ROR1: variants seen among roughly 807,000 people sequenced by gnomAD.
ROR1 encodes ROR family WNT receptor 1.
A neutral mutation model predicts 78.8 loss-of-function variants in ROR1; 19 were observed. The observed-to-expected ratio is 0.24, with a 90% CI of 0.17 to 0.35. The LOEUF is 0.35. Among genes scored for constraint, ROR1 ranks in the 10% least tolerant of loss-of-function variants. ROR1 has a pLI of 1.00. For missense variants in ROR1, 917 were observed against 1,177.8 expected, an observed-to-expected ratio of 0.78 and a Z score of 3.24; for synonymous variants, 386 against 433.6, an observed-to-expected ratio of 0.89 and a Z score of 1.36.
chr1:63,905,118 T>C (rs1462798712), intron 1 of ROR1, among the ~76,000 whole-genome samples: 2 of 152,032 alleles, frequency 1.3e-5, no homozygotes, highest in Non-Finnish European at 2.9e-5. Context: ...TTTGTCTTAG[T>C]GCAGAGAACA....
chr1:63,873,934 A>T (rs938009600), intron 1 of ROR1, among the ~76,000 whole-genome samples: 2 of 152,140 alleles, frequency 1.3e-5, no homozygotes, highest in African/African-American at 4.8e-5. Context: ...CAGAAATTGT[A>T]AAATGTTTTG....
chr1:63,966,698 A>G (rs1221668707), intron 1 of ROR1, among the ~76,000 whole-genome samples: 1 of 152,008 alleles, frequency 6.6e-6, no homozygotes, highest in South Asian at 2.1e-4. Flanking sequence ...TCTTTTTGTA[A>G]TTACTTTTTC....
intron 4 of ROR1, among the ~76,000 whole-genome samples, chr1:64,064,131 A>G (rs1646938380): frequency 6.6e-6 from 1 of 152,252 alleles, no homozygotes; most frequent in South Asian, 2.1e-4. Context: ...TACACAGGTG[A>G]TGAAGTTTGC....
At chr1:63,810,071 T>C (rs1644851178) in intron 1 of ROR1, among the ~76,000 whole-genome samples, 3 of 152,140 alleles carry the variant, frequency 2.0e-5, no homozygotes, top group African/African-American at 7.2e-5. Context: ...GGTGTTTGTG[T>C]AGGGGAAGGA....
chr1:63,813,612 T>C (rs1348680577), intron 1 of ROR1, among the ~76,000 whole-genome samples: 1 of 152,226 alleles, frequency 6.6e-6, no homozygotes, highest in African/African-American at 2.4e-5. Context: ...GGAATTATGC[T>C]GTGGCCCCCA....
chr1:63,988,978 T>TTG (rs1195246527), intron 1 of ROR1, among the ~76,000 whole-genome samples: 1 of 152,144 alleles, frequency 6.6e-6, no homozygotes, highest in East Asian at 1.9e-4. Context: ...TTCAATTCTT[T>TTG]TGTGTATATA....
At chr1:64,107,582 C>A (rs1647875277) in intron 4 of ROR1, among the ~76,000 whole-genome samples, 1 of 151,170 alleles carries the variant, frequency 6.6e-6, no homozygotes, top group African/African-American at 2.4e-5. Context: ...AACTAGGGGT[C>A]TTTTTTTTAA....
chr1:63,907,055 A>T lies in ROR1; in HGVS notation c.92-102250A>T, dbSNP rs537527884. Among the ~76,000 whole-genome samples, 9 of 152,296 alleles carry T rather than the reference A, an allele frequency of 5.9e-5. No individual in the cohort carries two copies. In the East Asian group the frequency reaches 1.4e-3, roughly 23 times the overall value. ...TTGTTGGTTGGATTTGGGAGAAGAG[A>T]AGGTAAAATGGTTTAAAAGGCAAAA... On this transcript the variant is annotated intron_variant, in intron 1 of 8. Transcript: ENST00000371079.
intron 4 of ROR1, chr1:64,106,750 G>C (rs533283827): frequency 5.9e-5 from 9 of 152,280 alleles, no homozygotes; most frequent in Admixed American, 5.9e-4. Context: ...TTATGTGACG[G>C]ATTATGTTTA....
intron 1 of ROR1, chr1:63,843,345 A>T: frequency 1.0e-6 from 1 of 1,003,608 alleles, no homozygotes; most frequent in South Asian, 1.3e-5. Flanking sequence ...GGCATAGATC[A>T]TTTTGCTTTT....
At chr1:63,990,992 C>T (rs1053565016) in intron 1 of ROR1, among the ~76,000 whole-genome samples, 1 of 152,218 alleles carries the variant, frequency 6.6e-6, no homozygotes, top group Non-Finnish European at 1.5e-5. Flanking sequence ...AATAACAGCT[C>T]ACTATAACCT....
At chr1:63,917,524 A>C (rs544529849) in intron 1 of ROR1, among the ~76,000 whole-genome samples, 1 of 152,326 alleles carries the variant, frequency 6.6e-6, no homozygotes, top group Admixed American at 6.5e-5. Flanking sequence ...CATTTTATTC[A>C]ACCAATCCCC....
intron 1 of ROR1, chr1:63,788,858 C>A: frequency 1.3e-6 from 1 of 759,076 alleles, no homozygotes; most frequent in South Asian, 1.3e-5. Flanking sequence ...TTCATGCGAG[C>A]CTTATCTGCC....
intron 7 of ROR1, among the ~76,000 whole-genome samples, chr1:64,147,531 G>A (rs1390252182): frequency 6.6e-6 from 1 of 152,174 alleles, no homozygotes; most frequent in Admixed American, 6.5e-5. Flanking sequence ...AAGACAGTAG[G>A]TCAGCATCAG....
intron 4 of ROR1, among the ~76,000 whole-genome samples, chr1:64,088,670 T>C (rs532327828): frequency 1.4e-4 from 22 of 152,318 alleles, no homozygotes; most frequent in South Asian, 1.2e-3. Context: ...CCACCATTTG[T>C]AACCAAGTGT....
chr1:64,148,436 T>A (rs1420553734), intron 7 of ROR1, among the ~76,000 whole-genome samples: 1 of 152,196 alleles, frequency 6.6e-6, no homozygotes, highest in Non-Finnish European at 1.5e-5. Flanking sequence ...TTCTCCTCCA[T>A]CCTGAATGAG....
chr1:64,120,154 CT>C (rs1165153987), intron 4 of ROR1, among the ~76,000 whole-genome samples: 2 of 152,134 alleles, frequency 1.3e-5, no homozygotes, highest in African/African-American at 4.8e-5. Flanking sequence ...AACCTACTGG[CT>C]GATGATGATT....
intron 1 of ROR1, among the ~76,000 whole-genome samples, chr1:63,845,200 T>C (rs1189644415): frequency 6.6e-6 from 1 of 152,188 alleles, no homozygotes; most frequent in Non-Finnish European, 1.5e-5. Context: ...TCTCCATATA[T>C]GTGTTAAGAA....
chr1:63,790,742 C>T (rs528632353), intron 1 of ROR1, among the ~76,000 whole-genome samples: 1 of 152,350 alleles, frequency 6.6e-6, no homozygotes, highest in East Asian at 1.9e-4. Flanking sequence ...CTCCCTGTTG[C>T]TCTGCCCTTC....
Sources: allele counts gnomAD v4.1 joint callset (sites outside exome capture counted in the v4.1 genomes callset), GRCh38; gene constraint gnomAD v4.1.1; transcripts MANE v1.5; gene names NCBI Gene and HGNC (gene_info 2026-07-23, HGNC 2026-07-21).